Variants in PCDHA11 observed in about 807,000 individuals in gnomAD.
The protein encoded by PCDHA11 is protocadherin alpha-11.
Under a neutral mutation model 70.3 loss-of-function variants are expected in PCDHA11, and 61 were observed. The observed-to-expected ratio is 0.87, with a 90% CI of 0.71 to 1.07. The LOEUF is 1.07. Among genes scored for constraint, PCDHA11 ranks in the 50% least tolerant of loss-of-function variants. The pLI, the probability that PCDHA11 is intolerant of heterozygous loss-of-function variation, is 0.00. For missense variants in PCDHA11, 1,324 were observed against 1,237.5 expected (o/e 1.07, Z -1.05); for synonymous variants, 633 against 555.1 (o/e 1.14, Z -1.97).
chr5:140,906,985 G>A (rs1418384427), intron 1 of PCDHA11, among the ~76,000 whole-genome samples: 1 of 152,170 alleles, frequency 6.6e-6, no homozygotes, highest in East Asian at 1.9e-4. Context: ...TCTGGTGGCA[G>A]CATTCCTCCC....
chr5:140,927,609 C>T (rs1285751413), intron 1 of PCDHA11: 1 of 1,614,076 alleles, frequency 6.2e-7, no homozygotes, highest in Admixed American at 1.7e-5. Flanking sequence ...CCGTATACCG[C>T]ACCAAGGTTC....
At chr5:141,001,653 G>A (rs2098030504) in intron 3 of PCDHA11, among the ~76,000 whole-genome samples, 1 of 152,182 alleles carries the variant, frequency 6.6e-6, no homozygotes, top group African/African-American at 2.4e-5. Context: ...TGTGGGAGAA[G>A]GCGGAGCTTG....
intron 1 of PCDHA11, chr5:140,882,822 G>A (rs782258212): frequency 6.2e-7 from 1 of 1,614,080 alleles, no homozygotes; most frequent in African/African-American, 1.3e-5. Flanking sequence ...GCACAAAACA[G>A]TCTTGAGCAA....
At chr5:140,951,234 C>A (rs1003242029) in intron 1 of PCDHA11, among the ~76,000 whole-genome samples, 2 of 152,028 alleles carry the variant, frequency 1.3e-5, no homozygotes. Flanking sequence ...ATGGTCTTTA[C>A]CTTTAGGAAT....
At chr5:140,987,480 A>C (rs1489888830) in intron 3 of PCDHA11, among the ~76,000 whole-genome samples, 2 of 152,192 alleles carry the variant, frequency 1.3e-5, no homozygotes, top group African/African-American at 4.8e-5. Flanking sequence ...CTTGGGAGTC[A>C]GTGACCCTTT....
intron 1 of PCDHA11, among the ~76,000 whole-genome samples, chr5:140,902,516 G>C (rs1410717975): frequency 6.6e-6 from 1 of 151,990 alleles, no homozygotes; most frequent in Non-Finnish European, 1.5e-5. Context: ...GTCATATATG[G>C]TTTTTATTAT....
intron 1 of PCDHA11, among the ~76,000 whole-genome samples, chr5:140,955,517 C>T (rs1554221970): frequency 6.6e-6 from 1 of 152,154 alleles, no homozygotes; most frequent in African/African-American, 2.4e-5. Flanking sequence ...TGTTTGCTTT[C>T]CCTTCCACCA....
intron 1 of PCDHA11, among the ~76,000 whole-genome samples, chr5:140,911,564 CTT>C (rs1188784239): frequency 6.6e-6 from 1 of 152,226 alleles, no homozygotes. Flanking sequence ...TCTTTCATCA[CTT>C]TGTCCAGTGA....
chr5:140,913,178 A>G (rs2076245523), intron 1 of PCDHA11, among the ~76,000 whole-genome samples: 1 of 152,156 alleles, frequency 6.6e-6, no homozygotes, highest in African/African-American at 2.4e-5. Context: ...TCTTCTTTAA[A>G]TGTTTGGTAG....
chr5:140,968,135 G>C (rs2096222877), intron 1 of PCDHA11: 2 of 1,614,034 alleles, frequency 1.2e-6, no homozygotes, highest in Non-Finnish European at 1.7e-6. Flanking sequence ...TACACTGAAG[G>C]TTGAGATCTC....
rs1277390291 is a variant in PCDHA11 at position 140,926,661 on chromosome 5, A to T, written c.2392-52288A>T. 7.5e-6 allele frequency: 4 copies of T among 536,378 alleles called. No homozygotes were observed. In the African/African-American group the frequency reaches 7.9e-5, roughly 11 times the overall value. The allele number at this position is 536,378 out of a possible 1,614,324, so 33.2% of individuals were successfully genotyped here. A position where few individuals can be genotyped will look rare whatever the true frequency, so the allele number is the denominator to read the frequency against. On this transcript the variant is annotated intron_variant, in intron 1 of 3. Coordinates refer to ENST00000398640, the MANE Select transcript of PCDHA11 (RefSeq NM_018902.5). ...AACACCCGGCCGGCTCCGCTTTCCC[A>T]GACGGCTGCCCAGCCTCCAGCCTAG...
chr5:140,914,504 T>A (rs1554196424), intron 1 of PCDHA11, among the ~76,000 whole-genome samples: 1 of 152,202 alleles, frequency 6.6e-6, no homozygotes, highest in Non-Finnish European at 1.5e-5. Flanking sequence ...AACAGATCAT[T>A]GGGTCATGTT....
At chr5:140,959,697 CTTTGAAAGGGA>C (rs2095506406) in intron 1 of PCDHA11, among the ~76,000 whole-genome samples, 1 of 152,008 alleles carries the variant, frequency 6.6e-6, no homozygotes, top group Non-Finnish European at 1.5e-5. Flanking sequence ...ATAAAATGAG[CTTTGAAAGGGA>C]AAATTTTTAG....
rs782516629 is a variant in PCDHA11, at chr5:140,876,277, C to G, written c.2391+4783C>G. 5 of 1,613,988 alleles carry G rather than the reference C, an allele frequency of 3.1e-6. No homozygotes were observed. The highest frequency in any genetic ancestry group is 2.2e-5 in the East Asian group (1 of 44,886). Reference sequence around the variant, plus strand: ...AGTGATCCAACTAAATGCTTCCGATCCAGACGAAGGACTTAATGGAGAAAT... The same window carrying G: ...AGTGATCCAACTAAATGCTTCCGATGCAGACGAAGGACTTAATGGAGAAAT... On this transcript the variant is annotated intron_variant, in intron 1 of 3. Transcript: ENST00000398640.
At chr5:140,974,712 G>C (rs999445044) in intron 1 of PCDHA11, among the ~76,000 whole-genome samples, 1 of 152,076 alleles carries the variant, frequency 6.6e-6, no homozygotes, top group African/African-American at 2.4e-5. Flanking sequence ...TGTTGTTCAA[G>C]CTGCTCTCGA....
intron 3 of PCDHA11, among the ~76,000 whole-genome samples, chr5:141,000,395 CTATATA>C (rs1190667031): frequency 5.7e-4 from 31 of 53,962 alleles, no homozygotes; most frequent in Admixed American, 2.5e-3. Flanking sequence ...CTCTCTCTCT[CTATATA>C]TATATATATA....
intron 1 of PCDHA11, among the ~76,000 whole-genome samples, chr5:140,898,001 C>G (rs2066457062): frequency 6.6e-6 from 1 of 152,116 alleles, no homozygotes; most frequent in Non-Finnish European, 1.5e-5. Flanking sequence ...TGAGAAGTGT[C>G]TGTTCATATC....
Position 140,928,044 on chromosome 5 carries a change from T to C in PCDHA11, c.2392-50905T>C, listed in dbSNP as rs782342331. The C allele has an allele frequency of 4.6e-5, 75 of 1,614,078 alleles. 1 individual carries two copies. The highest frequency in any genetic ancestry group is 3.0e-4 in the Admixed American group (18 of 60,006). On this transcript the variant is annotated intron_variant, in intron 1 of 3. Transcript: ENST00000398640. The stretch of plus-strand genomic sequence containing the variant: ...TTTGTGGCATGTCTAGTGCAGGCCC[T>C]TTTCAGCTGACGGCTTCCTTTGACA...
At chr5:140,920,616 C>T (rs929240808) in intron 1 of PCDHA11, among the ~76,000 whole-genome samples, 3 of 152,128 alleles carry the variant, frequency 2.0e-5, no homozygotes, top group Admixed American at 1.3e-4. Context: ...GAGGCCGAGG[C>T]GGATGGATCA....
Sources: allele counts gnomAD v4.1 joint callset (sites outside exome capture counted in the v4.1 genomes callset), GRCh38; gene constraint gnomAD v4.1.1; transcripts MANE v1.5; gene names NCBI Gene and HGNC (gene_info 2026-07-23, HGNC 2026-07-21).